Variants in TRAPPC9 observed in about 807,000 individuals in gnomAD.
TRAPPC9 encodes the protein IKK2 binding protein.
A neutral mutation model predicts 124.0 loss-of-function variants in TRAPPC9; 83 were observed. That is an observed-to-expected ratio of 0.67 (90% CI 0.56 to 0.80). The LOEUF (loss-of-function observed/expected upper bound fraction) is 0.80, where lower values mean the gene tolerates loss of function less well. TRAPPC9 is among the 30% of genes least tolerant of loss of function. The pLI is 0.00. For synonymous variants in TRAPPC9, 638 were observed against 617.5 expected (o/e 1.03, Z -0.49); for missense variants, 1,302 against 1,508.3 (o/e 0.86, Z 2.27).
At chr8:139,972,443 A>G (rs1406433792) in intron 19 of TRAPPC9, among the ~76,000 whole-genome samples, 2 of 152,222 alleles carry the variant, frequency 1.3e-5, no homozygotes, top group Non-Finnish European at 2.9e-5. Context: ...ACCCAGGAGT[A>G]CAGGAAAACA....
chr8:140,283,990 A>G lies in TRAPPC9; in HGVS notation c.2013T>C (p.Ser671=). Reference sequence around the variant, plus strand: ...CCGGCAGGTTATCCAGCAAACAGTCACTGAACACACCGAAGACCGTGGTAT... The same window carrying G: ...CCGGCAGGTTATCCAGCAAACAGTCGCTGAACACACCGAAGACCGTGGTAT... ...GYHTTVFGVF[S]DCLLDNLPGI... Residue 671 remains serine, a synonymous_variant, in exon 14 of 23, where the codon AGT becomes AGC. Coordinates refer to ENST00000438773, the MANE Select transcript of TRAPPC9 (RefSeq NM_001160372.4). 2 of 1,614,150 alleles carry G rather than the reference A, an allele frequency of 1.2e-6. No homozygotes were observed. Among genetic ancestry groups the G allele is most frequent in the Non-Finnish European group, 1.7e-6 (2 of 1,180,010 alleles).
At chr8:140,169,812 G>A (rs1322080397) in intron 17 of TRAPPC9, among the ~76,000 whole-genome samples, 1 of 152,060 alleles carries the variant, frequency 6.6e-6, no homozygotes, top group East Asian at 1.9e-4. Context: ...TTCGGTTGAA[G>A]CTGTACCCTC....
chr8:140,394,727 A>T lies in TRAPPC9; in HGVS notation c.1134+2893T>A, dbSNP rs889264193. Among the ~76,000 whole-genome samples the T allele has an allele frequency of 2.0e-4, 31 of 152,134 alleles. 1 individual carries two copies. In the Middle Eastern group the frequency reaches 0.02, roughly 100 times the overall value. ...ACAAACAAAACTGCTATGATCCCCA[A>T]GTGACTTCTGTGCTCAGAGCTCACA... On this transcript the variant is annotated intron_variant, in intron 7 of 22. Coordinates refer to ENST00000438773, the MANE Select transcript of TRAPPC9 (RefSeq NM_001160372.4).
chr8:140,023,884 T>C (rs941271878), intron 18 of TRAPPC9, 53 bp downstream of exon 18: 49 of 1,612,796 alleles, frequency 3.0e-5, no homozygotes, highest in Non-Finnish European at 2.5e-5. Flanking sequence ...ATTCTGAACG[T>C]AGTGCTGTTG....
chr8:139,881,623 A>T (rs1247630624), intron 21 of TRAPPC9, among the ~76,000 whole-genome samples: 1 of 150,052 alleles, frequency 6.7e-6, no homozygotes, highest in African/African-American at 2.4e-5. Flanking sequence ...AGGCAAGGCT[A>T]CCTTTCTTTA....
intron 17 of TRAPPC9, among the ~76,000 whole-genome samples, chr8:140,183,925 AG>A (rs1278750661): frequency 2.3e-5 from 1 of 44,258 alleles, no homozygotes; most frequent in Non-Finnish European, 4.5e-5. Flanking sequence ...AGGAGAGGAG[AG>A]GAGAGGAGAG....
Position 140,443,003 on chromosome 8 carries a change from C to G in TRAPPC9, c.585-3806G>C, listed in dbSNP as rs549173674. Among the ~76,000 whole-genome samples, 5 of 149,410 alleles carry G rather than the reference C, an allele frequency of 3.3e-5. 1 individual carries two copies. In the Admixed American group the frequency reaches 3.3e-4, roughly 10 times the overall value. On this transcript the variant is annotated intron_variant, in intron 2 of 22. Transcript: ENST00000438773. ...CAAGAATTAGCTGGGCATGGTGGCA[C>G]GTGCCTGTAGTCCCAGCTACTCAGG...
At chr8:140,402,284 T>G (rs2069304706) in intron 6 of TRAPPC9, among the ~76,000 whole-genome samples, 1 of 150,964 alleles carries the variant, frequency 6.6e-6, no homozygotes, top group African/African-American at 2.4e-5. Context: ...TGAGGCCAAG[T>G]GAGGTAGGAG....
chr8:139,977,744 G>A (rs142134483), intron 19 of TRAPPC9, among the ~76,000 whole-genome samples: 2,518 of 151,532 alleles, frequency 0.017, 67 homozygotes, highest in African/African-American at 0.057. Flanking sequence ...GCAGTGGGGC[G>A]ATCTCAGCTC....
chr8:139,872,050 G>A (rs1479537407), intron 21 of TRAPPC9, among the ~76,000 whole-genome samples: 1 of 151,930 alleles, frequency 6.6e-6, no homozygotes, highest in Admixed American at 6.6e-5. Context: ...ATGGATGGAT[G>A]GATGAGTGGG....
intron 17 of TRAPPC9, among the ~76,000 whole-genome samples, chr8:140,202,358 A>G (rs1056595835): frequency 1.8e-4 from 28 of 152,290 alleles, no homozygotes; most frequent in African/African-American, 6.7e-4. Context: ...ATAAAACCCA[A>G]CTTCTCAACT....
intron 19 of TRAPPC9, among the ~76,000 whole-genome samples, chr8:139,987,507 T>TA (rs142010835): frequency 0.011 from 1,605 of 151,566 alleles, 29 homozygotes; most frequent in African/African-American, 0.037. Context: ...GTTGCTATTT[T>TA]AAAAAACATT....
intron 17 of TRAPPC9, among the ~76,000 whole-genome samples, chr8:140,026,955 C>T (rs867471993): frequency 3.3e-5 from 5 of 152,206 alleles, no homozygotes; most frequent in African/African-American, 1.2e-4. Flanking sequence ...TCCCAAGCAC[C>T]GCCCTGTCAT....
rs946213026 is a variant in TRAPPC9, at chr8:140,063,348, T to C, written c.2557-39269A>G. Among the ~76,000 whole-genome samples the C allele has an allele frequency of 2.6e-5, 4 of 152,220 alleles. No homozygotes were observed. Among genetic ancestry groups the C allele is most frequent in the Admixed American group, 6.5e-5 (1 of 15,284 alleles). ...GCTCTCACCTCACGTCACCACGCAG[T>C]CAATTCTCACGTACCTTTCACGAGC... is the stretch of plus-strand genomic sequence containing the variant. On this transcript the variant is annotated intron_variant, in intron 17 of 22. Coordinates refer to ENST00000438773, the MANE Select transcript of TRAPPC9 (RefSeq NM_001160372.4). This position sits in a 1 kb window ranked among gnomAD's most constrained non-coding sequence, Gnocchi z 4.3.
intron 21 of TRAPPC9, among the ~76,000 whole-genome samples, chr8:139,761,755 G>A (rs11776849): frequency 0.048 from 7,344 of 151,866 alleles, 226 homozygotes; most frequent in South Asian, 0.12. Context: ...ACCCAGGCCC[G>A]CCCCGTTCTG....
rs1817757910 is a variant in TRAPPC9 at position 139,730,683 on chromosome 8, G to A, written c.*378C>T. On this transcript the variant is annotated 3_prime_UTR_variant, in exon 23 of 23. Transcript: ENST00000438773. ...CATTTCTTTCTATGGCCAAAGGGAA[G>A]TCGCTGGACGAGGGAGGTCCCTCTG... 1 of 255,140 alleles carries A rather than the reference G, an allele frequency of 3.9e-6. No homozygotes were observed. The highest frequency in any genetic ancestry group is 6.2e-5 in the South Asian group (1 of 16,224). The allele number at this position is 255,140 out of a possible 1,614,324, so 15.8% of individuals were successfully genotyped here.
chr8:139,762,626 G>A (rs775245199), intron 21 of TRAPPC9, among the ~76,000 whole-genome samples: 2 of 152,174 alleles, frequency 1.3e-5, no homozygotes, highest in African/African-American at 2.4e-5. Flanking sequence ...ATAATCTCAC[G>A]GGATCACCGT....
At chr8:139,885,773 C>G (rs1198055368) in intron 21 of TRAPPC9, 106 bp downstream of exon 21, 2 of 1,097,732 alleles carry the variant, frequency 1.8e-6, no homozygotes, top group Non-Finnish European at 2.7e-6. Context: ...CTTCAGTACC[C>G]ACCAACATTT....
At chr8:140,019,147 A>G (rs1839664561) in intron 18 of TRAPPC9, among the ~76,000 whole-genome samples, 1 of 152,244 alleles carries the variant, frequency 6.6e-6, no homozygotes. Flanking sequence ...CATACTTCTG[A>G]GTAAAACCTG....
Sources: gnomAD v4.1 joint callset for allele counts (sites outside exome capture counted in the v4.1 genomes callset) on GRCh38, gnomAD v4.1.1 for gene constraint, Gnocchi (gnomAD v3.1) non-coding constraint, MANE v1.5 for transcripts, NCBI Gene and HGNC (gene_info 2026-07-23, HGNC 2026-07-21) for gene names.